The following PHF3 variants were observed in gnomAD, a reference collection of about 807,000 sequenced individuals.
PHF3 encodes the protein PHD finger protein 3.
In PHF3, 41 loss-of-function variants were observed where a neutral mutation model predicts 178.4. The ratio of observed to expected loss-of-function variants is 0.23; its 90% CI spans 0.18 to 0.30. The LOEUF is 0.30. Ranked by LOEUF, PHF3 falls within the 10% of genes least tolerant of loss-of-function variation. The pLI is 1.00. For missense variants in PHF3, 2,346 were observed against 2,398.1 expected, an observed-to-expected ratio of 0.98 and a Z score of 0.45; for synonymous variants, 842 against 800.5, an observed-to-expected ratio of 1.05 and a Z score of -0.88.
intron 4 of PHF3, among the ~76,000 whole-genome samples, chr6:63,687,887 G>A (rs540682714): frequency 2.3e-4 from 35 of 152,140 alleles, no homozygotes; most frequent in African/African-American, 7.0e-4. Context: ...GGTGCATAGA[G>A]ATTTTGGGTT....
intron 2 of PHF3, among the ~76,000 whole-genome samples, chr6:63,653,284 G>A (rs1765099756): frequency 6.6e-6 from 1 of 151,378 alleles, no homozygotes. Context: ...GCTTTTGGTA[G>A]GTAATGTGGT....
chr6:63,661,293 G>A (rs1372966373), intron 2 of PHF3, among the ~76,000 whole-genome samples: 1 of 152,054 alleles, frequency 6.6e-6, no homozygotes, highest in African/African-American at 2.4e-5. Flanking sequence ...CTGGAAAAAC[G>A]CACAAGAAAA....
intron 1 of PHF3, among the ~76,000 whole-genome samples, chr6:63,644,133 G>T (rs1278069224): frequency 6.6e-6 from 1 of 152,166 alleles, no homozygotes; most frequent in African/African-American, 2.4e-5. Flanking sequence ...TTTTTCAGTA[G>T]ATTCAGTATA....
chr6:63,669,084 C>G (rs1371879149), intron 2 of PHF3, among the ~76,000 whole-genome samples: 2 of 152,134 alleles, frequency 1.3e-5, no homozygotes, highest in Non-Finnish European at 2.9e-5. Context: ...TTGATACACA[C>G]TGGTGACAGG....
intron 2 of PHF3, among the ~76,000 whole-genome samples, chr6:63,669,299 G>A (rs1018247062): frequency 2.6e-5 from 4 of 152,146 alleles, no homozygotes; most frequent in African/African-American, 9.7e-5. Flanking sequence ...TAGTAGTCTT[G>A]GGAAACCAGT....
intron 6 of PHF3, among the ~76,000 whole-genome samples, chr6:63,696,048 C>A (rs1321142010): frequency 6.6e-6 from 1 of 152,122 alleles, no homozygotes; most frequent in Non-Finnish European, 1.5e-5. Flanking sequence ...AATCTAAAAT[C>A]TGAAACTTGA....
intron 14 of PHF3, 66 bp from the exon 15 acceptor site, chr6:63,711,101 A>C: frequency 8.8e-7 from 1 of 1,137,748 alleles, no homozygotes; most frequent in Admixed American, 2.7e-5. Flanking sequence ...ATTGAGAAAT[A>C]GTTTTAAAAC....
intron 2 of PHF3, among the ~76,000 whole-genome samples, chr6:63,657,427 A>G (rs1262726096): frequency 6.6e-6 from 1 of 152,226 alleles, no homozygotes; most frequent in East Asian, 1.9e-4. Context: ...TACTGATAGC[A>G]GAAACAGCTG....
intron 2 of PHF3, among the ~76,000 whole-genome samples, chr6:63,661,512 C>T (rs563292673): frequency 1.3e-5 from 2 of 152,192 alleles, no homozygotes; most frequent in South Asian, 4.2e-4. Flanking sequence ...GAAATTTCAA[C>T]CAGTGTGATA....
chr6:63,672,209 C>T (rs1390258388), intron 2 of PHF3, among the ~76,000 whole-genome samples: 1 of 152,126 alleles, frequency 6.6e-6, no homozygotes, highest in African/African-American at 2.4e-5. Flanking sequence ...AACTATGAGA[C>T]AATAACTTTC....
intron 13 of PHF3, among the ~76,000 whole-genome samples, chr6:63,707,624 C>A (rs575498887): frequency 1.5e-4 from 23 of 151,894 alleles, no homozygotes; most frequent in African/African-American, 5.1e-4. Context: ...TTGTTCGTAT[C>A]TGACCTTTTT....
rs13197356 is a variant in PHF3, at chr6:63,684,788, A to T, written c.1066A>T (p.Thr356Ser). 2.5e-6 allele frequency: 4 copies of T among 1,613,944 alleles called. No homozygotes were observed. The highest frequency in any genetic ancestry group is 3.4e-6 in the Non-Finnish European group (4 of 1,179,936). ...TGCTGCTTGTACAAATCCAAATAAG[A>T]CAGAAAACAGCCTTGTAGGTTTGCC... ...SDAACTNPNK[T>S]ENSLVGLPSC... is the part of the protein sequence containing the mutation. Residue 356 changes from threonine (T) to serine (S), a missense_variant, in exon 4 of 16, where the codon ACA becomes TCA. Physicochemically the swap from Thr to Ser is moderately conservative, Grantham distance 58. Transcript: ENST00000262043.
chr6:63,641,736 C>G lies in PHF3; in HGVS notation c.-25-4791C>G, dbSNP rs974719451. Among the ~76,000 whole-genome samples, 4 of 151,938 alleles carry G rather than the reference C, an allele frequency of 2.6e-5. No individual in the cohort carries two copies. In the East Asian group the frequency reaches 5.8e-4, roughly 22 times the overall value. On this transcript the variant is annotated intron_variant, in intron 1 of 15. Coordinates refer to ENST00000262043, the MANE Select transcript of PHF3 (RefSeq NM_001370348.2). ...CACTGCAACCTCTGCTTCCCAGGTT[C>G]AAGCTATTCTCCCACCTCAGCCTCG...
At chr6:63,674,459 T>C (rs1468289109) in intron 2 of PHF3, among the ~76,000 whole-genome samples, 3 of 151,814 alleles carry the variant, frequency 2.0e-5, no homozygotes, top group African/African-American at 7.3e-5. Flanking sequence ...TGATAATATC[T>C]ACAAGGATAA....
intron 2 of PHF3, among the ~76,000 whole-genome samples, chr6:63,649,492 T>G (rs937575421): frequency 1.3e-5 from 2 of 152,214 alleles, no homozygotes; most frequent in Non-Finnish European, 2.9e-5. Context: ...TAAAATTAGC[T>G]ACCAAAATAA....
At chr6:63,709,013 C>G (rs1248166890) in intron 13 of PHF3, 138 bp from the exon 14 acceptor site, 1 of 496,672 alleles carries the variant, frequency 2.0e-6, no homozygotes, top group Non-Finnish European at 3.4e-6. Flanking sequence ...TTTTCCGATG[C>G]ATTTTTCATA....
At position 63,720,523 on chromosome 6, in the gene PHF3, C is replaced by T; in HGVS notation, c.*6815C>T. On this transcript the variant is annotated 3_prime_UTR_variant, in exon 16 of 16. Coordinates refer to ENST00000262043, the MANE Select transcript of PHF3 (RefSeq NM_001370348.2). ...TAGTAAACAGTTGATTCCCCGTAAG[C>T]AATGTATCAAAGAAATAACTATCAA... 1.8e-6 allele frequency: 2 copies of T among 1,096,016 alleles called. No individual in the cohort carries two copies. The highest frequency in any genetic ancestry group is 1.3e-6 in the Non-Finnish European group (1 of 786,872). The allele number at this position is 1,096,016 out of a possible 1,614,324, so 67.9% of individuals were successfully genotyped here.
In PHF3 at chr6:63,635,820, G is replaced by A. The variant is rs887276038; in HGVS notation, c.-356G>A. The A allele has an allele frequency of 1.8e-5, 7 of 394,952 alleles. No homozygotes were observed. The highest frequency in any genetic ancestry group is 6.4e-4 in the Middle Eastern group (1 of 1,570). 24.5% of individuals were successfully genotyped at this position (394,952 alleles called of 1,614,324 possible). A position where few individuals can be genotyped will look rare whatever the true frequency, so the allele number is the denominator to read the frequency against. On this transcript the variant is annotated 5_prime_UTR_variant, in exon 1 of 16. Transcript: ENST00000262043. ...GGTAAACAGTGGGGTCACGTGACAC[G>A]GCCCCTCTCCAGCTCCCGCGCCGCC...
intron 2 of PHF3, among the ~76,000 whole-genome samples, chr6:63,659,897 T>C (rs777378908): frequency 6.6e-6 from 1 of 152,204 alleles, no homozygotes; most frequent in Non-Finnish European, 1.5e-5. Flanking sequence ...TATTAATATG[T>C]AAGTCATGGT....
Sources: allele counts gnomAD v4.1 joint callset (sites outside exome capture counted in the v4.1 genomes callset), GRCh38; gene constraint gnomAD v4.1.1; transcripts MANE v1.5; gene names NCBI Gene and HGNC (gene_info 2026-07-23, HGNC 2026-07-21).